The following TRERF1 variants were observed in gnomAD, a reference collection of about 807,000 sequenced individuals.
The protein encoded by TRERF1 is transcriptional regulating factor 1.
Under a neutral mutation model 122.9 loss-of-function variants are expected in TRERF1, and 27 were observed. The observed-to-expected ratio is 0.22, with a 90% CI of 0.16 to 0.30. The LOEUF (loss-of-function observed/expected upper bound fraction) is 0.30, where lower values mean the gene tolerates loss of function less well. Among genes scored for constraint, TRERF1 ranks in the 10% least tolerant of loss-of-function variants. The pLI, the probability that TRERF1 is intolerant of heterozygous loss-of-function variation, is 1.00. For synonymous variants in TRERF1, 636 were observed against 641.7 expected, an observed-to-expected ratio of 0.99 and a Z score of 0.13; for missense variants, 1,248 against 1,560.3, an observed-to-expected ratio of 0.80 and a Z score of 3.37.
At position 42,393,916 on chromosome 6, in the gene TRERF1, GAAAA is replaced by G. The variant is rs61581284; in HGVS notation, c.-453-30841_-453-30838del. ...CAAACTCTCCAATGTATATATGCAG[GAAAA>G]AAAAAAAAAAAAAGACTGGGATGTA... On this transcript the variant is annotated intron_variant, in intron 2 of 17. Transcript: ENST00000372922. This position sits in a 1 kb window ranked among gnomAD's most constrained non-coding sequence, Gnocchi z 4.1. Among the ~76,000 whole-genome samples the G allele has an allele frequency of 8.4e-6, 1 of 119,004 alleles. No homozygotes were observed. Among genetic ancestry groups the G allele is most frequent in the Non-Finnish European group, 1.8e-5 (1 of 55,140 alleles). The allele number at this position is 119,004 out of a possible 152,430, so 78.1% of individuals were successfully genotyped here.
At chr6:42,428,757 A>C (rs1319729625) in intron 2 of TRERF1, among the ~76,000 whole-genome samples, 1 of 152,228 alleles carries the variant, frequency 6.6e-6, no homozygotes, top group Admixed American at 6.5e-5. Context: ...CCTGACTCCG[A>C]AAGGCCTGAG....
intron 2 of TRERF1, among the ~76,000 whole-genome samples, chr6:42,384,001 G>A (rs937969421): frequency 1.3e-5 from 2 of 151,452 alleles, no homozygotes; most frequent in African/African-American, 4.8e-5. Context: ...CTGTGTTGGT[G>A]AGGATGTCTC....
At chr6:42,314,479 C>T (rs1005441909) in intron 3 of TRERF1, among the ~76,000 whole-genome samples, 2 of 152,166 alleles carry the variant, frequency 1.3e-5, no homozygotes, top group Admixed American at 6.5e-5. Context: ...AAATACTGGC[C>T]GAGTGCCTCA....
intron 15 of TRERF1, among the ~76,000 whole-genome samples, chr6:42,242,345 A>G (rs917105018): frequency 1.3e-5 from 2 of 151,742 alleles, no homozygotes; most frequent in Non-Finnish European, 2.9e-5. Context: ...TAACACACAT[A>G]CATGTGCTAA....
At chr6:42,447,324 T>C (rs1787693713) in intron 2 of TRERF1, among the ~76,000 whole-genome samples, 1 of 152,208 alleles carries the variant, frequency 6.6e-6, no homozygotes, top group African/African-American at 2.4e-5. Flanking sequence ...AGAAAAGATT[T>C]ATTAAGAGAG....
At chr6:42,288,080 C>T (rs185146214) in intron 4 of TRERF1, among the ~76,000 whole-genome samples, 57 of 152,148 alleles carry the variant, frequency 3.7e-4, no homozygotes, top group African/African-American at 1.2e-3. Flanking sequence ...ATGTCTTTCA[C>T]GAAGTCTTCC....
chr6:42,243,879 C>CTTTTTT (rs34858601), intron 14 of TRERF1, among the ~76,000 whole-genome samples: 1 of 123,358 alleles, frequency 8.1e-6, no homozygotes, highest in East Asian at 2.3e-4. Context: ...TGCGCCCAGC[C>CTTTTTT]TTTTTTTTTT....
chr6:42,322,889 A>G (rs1277535963), intron 3 of TRERF1, among the ~76,000 whole-genome samples: 2 of 152,030 alleles, frequency 1.3e-5, no homozygotes, highest in East Asian at 1.9e-4. Context: ...GCCAAACCCA[A>G]CCACACCTGG....
intron 4 of TRERF1, among the ~76,000 whole-genome samples, chr6:42,279,381 TGGGCA>T (rs979152623): frequency 2.0e-5 from 3 of 152,110 alleles, no homozygotes; most frequent in Non-Finnish European, 4.4e-5. Context: ...GCAGCTGTCC[TGGGCA>T]GGGCAGGGCA....
chr6:42,240,577 C>T (rs1773454586), intron 15 of TRERF1, among the ~76,000 whole-genome samples: 1 of 152,266 alleles, frequency 6.6e-6, no homozygotes. Context: ...GGGCAAGCCC[C>T]TTCCTCTCTC....
chr6:42,378,928 C>T (rs1329818599), intron 2 of TRERF1, among the ~76,000 whole-genome samples: 1 of 151,862 alleles, frequency 6.6e-6, no homozygotes, highest in African/African-American at 2.4e-5. Context: ...CTAGCCTGGA[C>T]AACATAGTAA....
intron 4 of TRERF1, among the ~76,000 whole-genome samples, chr6:42,272,910 C>A (rs923291492): frequency 6.6e-6 from 1 of 152,192 alleles, no homozygotes; most frequent in Non-Finnish European, 1.5e-5. Context: ...TACGTCACCA[C>A]GTCCATATTC....
intron 2 of TRERF1, among the ~76,000 whole-genome samples, chr6:42,439,159 T>A (rs1456714413): frequency 1.3e-5 from 2 of 152,200 alleles, no homozygotes; most frequent in Non-Finnish European, 2.9e-5. Flanking sequence ...AACACTTTCC[T>A]AAGTAGTCTC....
intron 17 of TRERF1, among the ~76,000 whole-genome samples, chr6:42,230,537 T>C (rs1437578312): frequency 1.3e-5 from 2 of 152,144 alleles, no homozygotes; most frequent in South Asian, 2.1e-4. Flanking sequence ...AAGACCCTGA[T>C]ACCCTGATGC....
At chr6:42,415,219 T>G (rs1279653837) in intron 2 of TRERF1, among the ~76,000 whole-genome samples, 1 of 152,180 alleles carries the variant, frequency 6.6e-6, no homozygotes, top group Non-Finnish European at 1.5e-5. Flanking sequence ...ATCCATGTCC[T>G]TTTGCCCATT....
At chr6:42,389,019 A>C (rs994465561) in intron 2 of TRERF1, among the ~76,000 whole-genome samples, 1 of 152,224 alleles carries the variant, frequency 6.6e-6, no homozygotes, top group East Asian at 1.9e-4. Context: ...TGGAACCTAG[A>C]CACTCAGAGC....
At position 42,279,622 on chromosome 6, in the gene TRERF1, C is replaced by T. The variant is rs1030358309; in HGVS notation, c.-258-9774G>A. ...ACCTAGCGTCATGGGGCCAAGCGGC[C>T]AGAACAGCCTCCGGCAGGTGGGCAG... On this transcript the variant is annotated intron_variant, in intron 4 of 17. Transcript: ENST00000372922. Among the ~76,000 whole-genome samples the T allele has an allele frequency of 5.3e-5, 8 of 152,188 alleles. No individual in the cohort carries two copies. In the East Asian group the frequency reaches 1.5e-3, roughly 29 times the overall value.
intron 2 of TRERF1, among the ~76,000 whole-genome samples, chr6:42,368,356 C>T (rs1302939554): frequency 2.6e-5 from 4 of 152,098 alleles, no homozygotes; most frequent in Non-Finnish European, 4.4e-5. Context: ...GGCTCCTCGG[C>T]GCCCCCACAC....
At chr6:42,246,888 G>A (rs939505060) in intron 13 of TRERF1, among the ~76,000 whole-genome samples, 1 of 152,194 alleles carries the variant, frequency 6.6e-6, no homozygotes, top group Non-Finnish European at 1.5e-5. Context: ...GAAACAGTGA[G>A]CATTCAACAA....
Sources: allele counts gnomAD v4.1 joint callset (sites outside exome capture counted in the v4.1 genomes callset), GRCh38; gene constraint gnomAD v4.1.1; non-coding constraint Gnocchi (gnomAD v3.1); transcripts MANE v1.5; gene names NCBI Gene and HGNC (gene_info 2026-07-23, HGNC 2026-07-21).